RYR3: variants seen among roughly 807,000 people sequenced by gnomAD.
RYR3 encodes ryanodine receptor 3, also known as brain ryanodine receptor-calcium release channel.
Under a neutral mutation model 584.3 loss-of-function variants are expected in RYR3, and 207 were observed. The observed-to-expected ratio is 0.35, with a 90% CI of 0.32 to 0.40. RYR3 has a LOEUF of 0.40. RYR3 is among the 10% of genes least tolerant of loss of function. RYR3 has a pLI of 1.00. For synonymous variants in RYR3, 2,416 were observed against 2,248.5 expected (o/e 1.07, Z -2.11); for missense variants, 5,616 against 6,089.2 (o/e 0.92, Z 2.59).
intron 3 of RYR3, among the ~76,000 whole-genome samples, chr15:33,514,768 G>A (rs1337552963): frequency 6.6e-6 from 1 of 152,068 alleles, no homozygotes; most frequent in Admixed American, 6.6e-5. Flanking sequence ...TTGGGAGGCT[G>A]AGATAGGCAG....
chr15:33,795,072 T>A (rs1443202690), intron 67 of RYR3, among the ~76,000 whole-genome samples: 1 of 152,200 alleles, frequency 6.6e-6, no homozygotes, highest in Non-Finnish European at 1.5e-5. Context: ...ACAAAATTAC[T>A]CTAATCCCTC....
chr15:33,859,493 C>A, intron 99 of RYR3, 82 bp from the exon 100 acceptor site: 2 of 1,516,700 alleles, frequency 1.3e-6, no homozygotes, highest in South Asian at 1.2e-5. Flanking sequence ...ACAATCTGAC[C>A]GAATCATATG....
chr15:33,383,531 A>G (rs1474980248), intron 1 of RYR3, among the ~76,000 whole-genome samples: 3 of 151,700 alleles, frequency 2.0e-5, no homozygotes, highest in Non-Finnish European at 4.4e-5. Flanking sequence ...ACGAGAGTCC[A>G]CCTTAGTCTC....
intron 16 of RYR3, among the ~76,000 whole-genome samples, chr15:33,596,494 T>TG (rs1567624147): frequency 0.013 from 721 of 55,432 alleles, 10 homozygotes; most frequent in African/African-American, 0.065. Flanking sequence ...TGTTCTTTTT[T>TG]TGGGGGGGGG....
intron 38 of RYR3, among the ~76,000 whole-genome samples, chr15:33,676,001 C>T (rs75368013): frequency 1.3e-5 from 2 of 151,980 alleles, no homozygotes; most frequent in Admixed American, 1.3e-4. Flanking sequence ...ATGTTCACAT[C>T]CCAATTCCTA....
chr15:33,398,282 G>A (rs1318762665), intron 1 of RYR3, among the ~76,000 whole-genome samples: 1 of 152,162 alleles, frequency 6.6e-6, no homozygotes, highest in East Asian at 1.9e-4. Context: ...AAACCGTCAG[G>A]GTGGCCATCC....
At chr15:33,850,479 A>AT (rs1345348283) in intron 94 of RYR3, 1 of 152,168 alleles carries the variant, frequency 6.6e-6, no homozygotes, top group African/African-American at 2.4e-5. Context: ...ATTTCCCAAT[A>AT]TTTTTTACTT....
chr15:33,825,831 C>A (rs1005241360), intron 82 of RYR3, 155 bp downstream of exon 82: 3 of 545,858 alleles, frequency 5.5e-6, no homozygotes, highest in Non-Finnish European at 9.6e-6. Flanking sequence ...CTCCTGGGTT[C>A]AAGCACTTCT....
At chr15:33,485,554 G>C (rs1458434956) in intron 2 of RYR3, among the ~76,000 whole-genome samples, 5 of 152,202 alleles carry the variant, frequency 3.3e-5, no homozygotes, top group Non-Finnish European at 7.3e-5. Flanking sequence ...AGGAACTCAT[G>C]TTTCATTGAA....
At chr15:33,834,845 T>C (rs2077935833) in intron 86 of RYR3, 123 bp from the exon 87 acceptor site, 3 of 611,878 alleles carry the variant, frequency 4.9e-6, no homozygotes, top group Non-Finnish European at 5.7e-6. Context: ...TACTGAGCTA[T>C]GAAATATTTG....
intron 1 of RYR3, among the ~76,000 whole-genome samples, chr15:33,472,692 C>A (rs2049027233): frequency 7.8e-6 from 1 of 128,714 alleles, no homozygotes; most frequent in South Asian, 2.5e-4. Context: ...AGATGGAGGG[C>A]TGCCTCTTTT....
chr15:33,619,975 CT>C (rs1489968061), intron 19 of RYR3, among the ~76,000 whole-genome samples: 3 of 152,164 alleles, frequency 2.0e-5, no homozygotes, highest in Non-Finnish European at 2.9e-5. Flanking sequence ...TGACACAAAC[CT>C]TACCACTTCT....
chr15:33,651,264 G>A (rs1490329919), intron 31 of RYR3, among the ~76,000 whole-genome samples: 3 of 152,188 alleles, frequency 2.0e-5, no homozygotes, highest in Non-Finnish European at 4.4e-5. Context: ...TGACCAAAGC[G>A]AGCCACTTCA....
chr15:33,328,912 C>T (rs761685095), intron 1 of RYR3, among the ~76,000 whole-genome samples: 1 of 152,128 alleles, frequency 6.6e-6, no homozygotes, highest in East Asian at 1.9e-4. Context: ...TCAGATGTAT[C>T]TCTCCTTCTT....
chr15:33,680,437 T>G (rs1456113465), intron 38 of RYR3, among the ~76,000 whole-genome samples: 1 of 152,240 alleles, frequency 6.6e-6, no homozygotes, highest in Non-Finnish European at 1.5e-5. Flanking sequence ...CAGGCAGTCA[T>G]CTTGCTTCTT....
At chr15:33,802,150 C>T (rs2075953034) in intron 69 of RYR3, 189 bp downstream of exon 69, 1 of 737,336 alleles carries the variant, frequency 1.4e-6, no homozygotes, top group South Asian at 1.4e-5. Flanking sequence ...ATGGTCATCA[C>T]ATTTTATGAA....
chr15:33,673,726 A>G (rs1299845190), intron 38 of RYR3, among the ~76,000 whole-genome samples: 10 of 152,232 alleles, frequency 6.6e-5, no homozygotes. Context: ...CCATCTGTCA[A>G]ATTTTACAGA....
intron 95 of RYR3, 142 bp from the exon 96 acceptor site, chr15:33,853,413 C>T: frequency 8.8e-7 from 1 of 1,137,908 alleles, no homozygotes; most frequent in Non-Finnish European, 1.2e-6. Flanking sequence ...TGGGTTTTCT[C>T]TTTTTTCTGC....
In RYR3 at chr15:33,507,434, T is replaced by C. The variant is rs189802403; in HGVS notation, c.279+3696T>C. On this transcript the variant is annotated intron_variant, in intron 3 of 103. Transcript: ENST00000634891. Reference sequence around the variant, plus strand: ...TATCTCAGCTCCTCCTTGGATCACTTTACCTCTGATCTAATCCTATGTAAT... The same window carrying C: ...TATCTCAGCTCCTCCTTGGATCACTCTACCTCTGATCTAATCCTATGTAAT... Among the ~76,000 whole-genome samples the C allele has an allele frequency of 8.8e-4, 134 of 152,276 alleles. 2 individuals carry two copies. The East Asian group carries it at 0.024, about 27-fold the overall frequency.
Sources: gnomAD v4.1 joint callset for allele counts (sites outside exome capture counted in the v4.1 genomes callset) on GRCh38, gnomAD v4.1.1 for gene constraint, MANE v1.5 for transcripts, NCBI Gene and HGNC (gene_info 2026-07-23, HGNC 2026-07-21) for gene names.